The following ETV5 variants were observed in gnomAD, a reference collection of about 807,000 sequenced individuals.
The protein encoded by ETV5 is ETS translocation variant 5.
Under a neutral mutation model 70.0 loss-of-function variants are expected in ETV5, and 10 were observed. The observed-to-expected ratio is 0.14, with a 90% CI of 0.09 to 0.24. ETV5 has a LOEUF of 0.24. Among genes scored for constraint, ETV5 ranks in the 10% least tolerant of loss-of-function variants. ETV5 has a pLI of 1.00. For synonymous variants in ETV5, 216 were observed against 242.2 expected, an observed-to-expected ratio of 0.89 and a Z score of 1.01; for missense variants, 453 against 651.2, an observed-to-expected ratio of 0.70 and a Z score of 3.31.
At chr3:186,064,327 AAG>A in intron 9 of ETV5, 88 bp downstream of exon 9, 2 of 1,233,946 alleles carry the variant, frequency 1.6e-6, no homozygotes, top group Non-Finnish European at 2.4e-6. Context: ...AAGAGGAAGG[AAG>A]GAAGGTAGGA....
chr3:186,071,706 A>G (rs564745461), intron 7 of ETV5, among the ~76,000 whole-genome samples: 2,272 of 151,200 alleles, frequency 0.015, 38 homozygotes, highest in South Asian at 0.03. Context: ...TGTAATCCCC[A>G]CACTTTGGGA....
intron 7 of ETV5, chr3:186,078,883 T>C (rs1310591746): frequency 8.0e-6 from 2 of 249,930 alleles, no homozygotes; most frequent in South Asian, 1.7e-4. Flanking sequence ...GCATTTCATC[T>C]AGAAATAAAA....
At chr3:186,087,287 A>C (rs1714081410) in intron 5 of ETV5, among the ~76,000 whole-genome samples, 1 of 152,232 alleles carries the variant, frequency 6.6e-6, no homozygotes, top group Non-Finnish European at 1.5e-5. Flanking sequence ...TAAAGTTCAA[A>C]AAAAGACAAA....
At chr3:186,061,398 G>A (rs1487821204) in intron 9 of ETV5, among the ~76,000 whole-genome samples, 1 of 152,172 alleles carries the variant, frequency 6.6e-6, no homozygotes, top group Non-Finnish European at 1.5e-5. Context: ...CAAACTTGAA[G>A]GTGCATCAGA....
chr3:186,049,437 TATA>T (rs1712969593), intron 12 of ETV5, among the ~76,000 whole-genome samples: 1 of 152,190 alleles, frequency 6.6e-6, no homozygotes, highest in South Asian at 2.1e-4. Context: ...TTTTCTGCAT[TATA>T]ATATTAGAAC....
At chr3:186,053,306 T>C (rs1713078065) in intron 11 of ETV5, among the ~76,000 whole-genome samples, 1 of 152,180 alleles carries the variant, frequency 6.6e-6, no homozygotes. Context: ...TTCACCATGT[T>C]GGCCAGGCTG....
At chr3:186,083,724 G>T (rs1227553514) in intron 5 of ETV5, among the ~76,000 whole-genome samples, 1 of 152,138 alleles carries the variant, frequency 6.6e-6, no homozygotes, top group East Asian at 1.9e-4. Flanking sequence ...TGAACAAATG[G>T]ATTATATTTC....
At chr3:186,093,490 C>T (rs116473746) in intron 5 of ETV5, among the ~76,000 whole-genome samples, 117 of 152,234 alleles carry the variant, frequency 7.7e-4, no homozygotes, top group African/African-American at 2.8e-3. Context: ...TTCACATGGC[C>T]GCTTACAGCA....
intron 6 of ETV5, chr3:186,080,424 T>C (rs1713906005): frequency 1.2e-5 from 3 of 246,742 alleles, no homozygotes; most frequent in Middle Eastern, 1.2e-3. Flanking sequence ...GGGGAGAATG[T>C]ATGTTTGCCA....
rs781248683 is a variant in ETV5, at chr3:186,081,117, AGAG to A, written c.288_290del (p.Ser97del). 7 of 1,613,898 alleles carry A rather than the reference AGAG, an allele frequency of 4.3e-6. No individual in the cohort carries two copies. In the South Asian group the frequency reaches 7.7e-5, roughly 18 times the overall value. On this transcript the variant is annotated inframe_deletion, in exon 6 of 13. Coordinates refer to ENST00000306376, the MANE Select transcript of ETV5 (RefSeq NM_004454.3). ...GCTCATGGCTACAAGACGACAGCTC[AGAG>A]GAGGGGCTGTGCAGCTCCCGTTTGA...
Position 186,057,019 on chromosome 3 carries a change from A to T in ETV5, c.1209+56T>A. On this transcript the variant is annotated intron_variant, in intron 11 of 12. Coordinates refer to ENST00000306376, the MANE Select transcript of ETV5 (RefSeq NM_004454.3). This position sits in a 1 kb window ranked among gnomAD's most constrained non-coding sequence, Gnocchi z 4.9. ...AGCCTCAATGGAAATCTAAACAAAAAACATCATCAACAACAACAAATCAAA... is the reference window on the plus strand; with the variant it reads ...AGCCTCAATGGAAATCTAAACAAAATACATCATCAACAACAACAAATCAAA... 6.3e-7 allele frequency: 1 copy of T among 1,579,696 alleles called. No homozygotes were observed.
chr3:186,069,356 G>A (rs1713536852), intron 7 of ETV5, among the ~76,000 whole-genome samples: 2 of 152,162 alleles, frequency 1.3e-5, no homozygotes. Flanking sequence ...AATGCCTTAC[G>A]GCACAACTTC....
chr3:186,101,313 G>T (rs1216998311), intron 5 of ETV5, among the ~76,000 whole-genome samples: 2 of 152,120 alleles, frequency 1.3e-5, no homozygotes, highest in Non-Finnish European at 2.9e-5. Context: ...ATAGGGTCTT[G>T]CTCTGGTACC....
chr3:186,046,697 AG>A lies in ETV5; in HGVS notation c.*1941del. 4.3e-6 allele frequency: 1 copy of A among 231,578 alleles called. No individual in the cohort carries two copies. Among genetic ancestry groups the A allele is most frequent in the East Asian group, 6.1e-5 (1 of 16,358 alleles). The allele number at this position is 231,578 out of a possible 1,614,324, so 14.3% of individuals were successfully genotyped here. On this transcript the variant is annotated 3_prime_UTR_variant, in exon 13 of 13. Transcript: ENST00000306376. ...AAGAAAAAAAAAAAAAATCCAAACC[AG>A]GGTAAGTAAAGAAAGGAAAACCAAA... is the stretch of plus-strand genomic sequence containing the variant.
intron 1 of ETV5, among the ~76,000 whole-genome samples, chr3:186,107,176 G>C (rs1485160704): frequency 6.6e-6 from 1 of 152,160 alleles, no homozygotes; most frequent in Non-Finnish European, 1.5e-5. Context: ...CAAAGTCAAA[G>C]GAAAGAGAGG....
In ETV5 at chr3:186,066,003, G is replaced by A; in HGVS notation, c.720C>T (p.Arg240=). The A allele has an allele frequency of 6.2e-7, 1 of 1,611,236 alleles. No individual in the cohort carries two copies. The highest frequency in any genetic ancestry group is 2.2e-5 in the East Asian group (1 of 44,752). The part of the protein sequence containing the change: ...PPQPGVPGDN[R]PSYHRQMSEP... Reference sequence around the variant, plus strand: ...CTGACATTTGCCGATGGTAACTGGGGCGATTATCTCCAGGAACTCCTGGCT... The same window carrying A: ...CTGACATTTGCCGATGGTAACTGGGACGATTATCTCCAGGAACTCCTGGCT... The change falls in exon 8 of 13, where the codon CGC becomes CGT. Residue 240 remains arginine, a synonymous_variant. Transcript: ENST00000306376.
At chr3:186,070,212 G>T (rs893781124) in intron 7 of ETV5, among the ~76,000 whole-genome samples, 1 of 152,146 alleles carries the variant, frequency 6.6e-6, no homozygotes, top group Non-Finnish European at 1.5e-5. Flanking sequence ...TTTCCCCTCT[G>T]CCACCATCCC....
intron 12 of ETV5, 144 bp downstream of exon 12, chr3:186,051,886 C>A: frequency 1.5e-6 from 1 of 663,408 alleles, no homozygotes; most frequent in Non-Finnish European, 2.6e-6. Flanking sequence ...TCAAGTTTGT[C>A]TTCTCAAGAT....
At chr3:186,076,192 T>C (rs982875084) in intron 7 of ETV5, 9 of 224,032 alleles carry the variant, frequency 4.0e-5, no homozygotes, top group East Asian at 2.0e-4. Context: ...GTATAAATCA[T>C]GGCTTTCAAA....
Sources: allele counts gnomAD v4.1 joint callset (sites outside exome capture counted in the v4.1 genomes callset), GRCh38; gene constraint gnomAD v4.1.1; non-coding constraint Gnocchi (gnomAD v3.1); transcripts MANE v1.5; gene names NCBI Gene and HGNC (gene_info 2026-07-23, HGNC 2026-07-21).